SLC1A7: variants seen among roughly 807,000 people sequenced by gnomAD.
SLC1A7 encodes solute carrier family 1 member 7, also known as excitatory amino acid transporter 5.
Under a neutral mutation model 47.7 loss-of-function variants are expected in SLC1A7, and 40 were observed. The ratio of observed to expected loss-of-function variants is 0.84; its 90% CI spans 0.65 to 1.09. The LOEUF (loss-of-function observed/expected upper bound fraction) is 1.09. Ranked by LOEUF, SLC1A7 falls within the 50% of genes least tolerant of loss-of-function variation. The pLI is 0.00. For synonymous variants in SLC1A7, 323 were observed against 325.6 expected (o/e 0.99, Z 0.09); for missense variants, 746 against 769.5 (o/e 0.97, Z 0.36).
rs1005755623 is a variant in SLC1A7, at chr1:53,089,742, G to A, written c.1361+58C>T. 3 of 1,587,286 alleles carry A rather than the reference G, an allele frequency of 1.9e-6. No homozygotes were observed. In the African/African-American group the frequency reaches 4.0e-5, roughly 21 times the overall value. On this transcript the variant is annotated intron_variant, in intron 9 of 10. Coordinates refer to ENST00000371494, the MANE Select transcript of SLC1A7 (RefSeq NM_006671.6). Reference sequence around the variant, plus strand: ...GACTCAGCCGCTCACCCTGATCCCTGCTGACCCTGAAGTCAGCCCCTCCCA... The same window carrying A: ...GACTCAGCCGCTCACCCTGATCCCTACTGACCCTGAAGTCAGCCCCTCCCA...
rs139966900 is a variant in SLC1A7, at chr1:53,088,880, G to A, written c.1461C>T (p.Thr487=). The change falls in exon 10 of 11, where the codon ACC becomes ACT. Residue 487 remains threonine, a synonymous_variant. Coordinates refer to ENST00000371494, the MANE Select transcript of SLC1A7 (RefSeq NM_006671.6). ...CTCTGGATCTCACTGCTCTCACCTC[G>A]GTGCCTGTGTCCCGGGCAAAATCCT... The part of the protein sequence containing the change: ...CRKDFARDTG[T]EKLLPCETKP... 7 of 1,612,590 alleles carry A rather than the reference G, an allele frequency of 4.3e-6. No homozygotes were observed. The African/African-American group carries it at 8.0e-5, about 18-fold the overall frequency.
chr1:53,116,404 G>A (rs1644761820), intron 2 of SLC1A7, among the ~76,000 whole-genome samples: 1 of 152,230 alleles, frequency 6.6e-6, no homozygotes, highest in Admixed American at 6.5e-5. Flanking sequence ...GCCAGGTTCT[G>A]ATTGAATGCT....
chr1:53,111,240 G>A (rs1644698156), intron 3 of SLC1A7, among the ~76,000 whole-genome samples: 1 of 152,158 alleles, frequency 6.6e-6, no homozygotes, highest in African/African-American at 2.4e-5. Context: ...TTTCTGCAGG[G>A]AGGGCCACCC....
In SLC1A7 at chr1:53,130,572, G is replaced by T. The variant is rs116501975; in HGVS notation, c.215+3778C>A. 3.4e-3 allele frequency among the ~76,000 whole-genome samples: 512 copies of T among 151,816 alleles called. 4 individuals are homozygous for T. Among genetic ancestry groups the T allele is most frequent in the African/African-American group, 0.012 (485 of 41,382 alleles). On this transcript the variant is annotated intron_variant, in intron 2 of 10. Coordinates refer to ENST00000371494, the MANE Select transcript of SLC1A7 (RefSeq NM_006671.6). ...TTGCCTTCCTGGGTCACAGCTTGGA[G>T]CCCCTGGGGATGGGAGCACCACAGC...
At chr1:53,123,456 C>T (rs938507921) in intron 2 of SLC1A7, among the ~76,000 whole-genome samples, 11 of 152,206 alleles carry the variant, frequency 7.2e-5, no homozygotes, top group African/African-American at 1.9e-4. Context: ...CCACCCTGCC[C>T]GGTGTTGAAC....
At chr1:53,120,312 G>A (rs1053144778) in intron 2 of SLC1A7, among the ~76,000 whole-genome samples, 1 of 152,148 alleles carries the variant, frequency 6.6e-6, no homozygotes, top group African/African-American at 2.4e-5. Context: ...GGTTACAAAG[G>A]TGAGGGATTA....
chr1:53,123,304 A>C lies in SLC1A7; in HGVS notation c.216-8331T>G, dbSNP rs561043877. The stretch of plus-strand genomic sequence containing the variant: ...TCCTGCCTCCCCTCCCTGCACCAGC[A>C]GGGCCCCTGGAGTCTGCCCCGCACA... On this transcript the variant is annotated intron_variant, in intron 2 of 10. Transcript: ENST00000371494. 1.6e-4 allele frequency among the ~76,000 whole-genome samples: 25 copies of C among 152,320 alleles called. 1 individual carries two copies. The East Asian group carries it at 4.8e-3, about 29-fold the overall frequency.
intron 2 of SLC1A7, chr1:53,118,393 T>C (rs1423377055): frequency 6.6e-6 from 1 of 152,244 alleles, no homozygotes; most frequent in Non-Finnish European, 1.5e-5. Context: ...CTATTCTTTC[T>C]AGATTGAGCC....
At chr1:53,092,906 C>T (rs1480128281) in intron 6 of SLC1A7, 119 bp from the exon 7 acceptor site, 14 of 552,746 alleles carry the variant, frequency 2.5e-5, no homozygotes, top group South Asian at 5.5e-5. Flanking sequence ...GAGGACAGAG[C>T]GAGACTGCCA....
rs1644435900 is a variant in SLC1A7, at chr1:53,092,612, TG to T, written c.972del (p.Ile325SerfsTer136). 1 of 1,613,934 alleles carries T rather than the reference TG, an allele frequency of 6.2e-7. No homozygotes were observed. The part of the protein sequence containing the change: ...LLYFFITKKN[P>X]IVFIRGILQA... ...TGCAGGATGCCACGGATGAAGACGA[TG>T]GGATTCTTCTTGGTGATGAAGAAGT... On this transcript the variant is annotated frameshift_variant, in exon 7 of 11. Transcript: ENST00000371494. LOFTEE classifies it high-confidence loss of function.
In SLC1A7 at chr1:53,093,526, G is replaced by T. The variant is rs141148882; in HGVS notation, c.732C>A (p.Ala244=). 1,215 of 1,609,158 alleles carry T rather than the reference G, an allele frequency of 7.6e-4. 5 individuals are homozygous for T. The highest frequency in any genetic ancestry group is 5.6e-3 in the Middle Eastern group (34 of 6,058). Residue 244 remains alanine, a synonymous_variant, in exon 6 of 11, where the codon GCC becomes GCA. Coordinates refer to ENST00000371494, the MANE Select transcript of SLC1A7 (RefSeq NM_006671.6). ...IMLGRMGDSG[A]PLVSFCQCLN... ...GGCACTGGCAGAAGCTGACCAGGGGGGCCCCGCTGTCACCCATGCGGCCCA... is the reference window on the plus strand; with the variant it reads ...GGCACTGGCAGAAGCTGACCAGGGGTGCCCCGCTGTCACCCATGCGGCCCA...
intron 2 of SLC1A7, chr1:53,115,259 G>T: frequency 2.0e-6 from 1 of 512,204 alleles, no homozygotes; most frequent in Non-Finnish European, 3.5e-6. Context: ...ACACTGTTGG[G>T]GGAGTGAGAG....
intron 2 of SLC1A7, among the ~76,000 whole-genome samples, chr1:53,118,863 G>A (rs1457794882): frequency 6.6e-6 from 1 of 152,146 alleles, no homozygotes; most frequent in Non-Finnish European, 1.5e-5. Context: ...CAGGTGTGGT[G>A]GCGCATGCCT....
At chr1:53,097,810 C>T (rs1460520710) in intron 5 of SLC1A7, among the ~76,000 whole-genome samples, 3 of 151,684 alleles carry the variant, frequency 2.0e-5, no homozygotes, top group Non-Finnish European at 4.4e-5. Context: ...AGTACACTCA[C>T]ACACTCCGCC....
At chr1:53,121,275 G>A (rs1221707296) in intron 2 of SLC1A7, among the ~76,000 whole-genome samples, 1 of 152,198 alleles carries the variant, frequency 6.6e-6, no homozygotes, top group African/African-American at 2.4e-5. Context: ...TGAAAAGGAC[G>A]ACTTGTGTGC....
chr1:53,099,862 C>G (rs1644551843), intron 5 of SLC1A7, among the ~76,000 whole-genome samples: 1 of 151,308 alleles, frequency 6.6e-6, no homozygotes, highest in Non-Finnish European at 1.5e-5. Flanking sequence ...CACATACCAC[C>G]TTGGTACACT....
At chr1:53,090,321 C>A (rs927124376) in intron 8 of SLC1A7, 3 of 541,806 alleles carry the variant, frequency 5.5e-6, no homozygotes, top group Non-Finnish European at 9.7e-6. Flanking sequence ...GGCTGTGAGG[C>A]CTCCGTCAGC....
At chr1:53,094,738 C>G (rs981744707) in intron 5 of SLC1A7, among the ~76,000 whole-genome samples, 1 of 152,226 alleles carries the variant, frequency 6.6e-6, no homozygotes, top group Non-Finnish European at 1.5e-5. Context: ...CCGCCCTCCC[C>G]GGGCTCCACC....
At chr1:53,141,595 C>T (rs1021720495) in intron 1 of SLC1A7, among the ~76,000 whole-genome samples, 25 of 152,084 alleles carry the variant, frequency 1.6e-4, no homozygotes, top group African/African-American at 7.2e-5. Context: ...GCTGGAAACC[C>T]GGGGCCTGGC....
Sources: gnomAD v4.1 joint callset for allele counts (sites outside exome capture counted in the v4.1 genomes callset) on GRCh38, gnomAD v4.1.1 for gene constraint, MANE v1.5 for transcripts, NCBI Gene and HGNC (gene_info 2026-07-23, HGNC 2026-07-21) for gene names.